PCDHA6: variants seen among roughly 807,000 people sequenced by gnomAD.
PCDHA6 encodes protocadherin alpha 6, also known as protocadherin alpha-6.
A neutral mutation model predicts 60.3 loss-of-function variants in PCDHA6; 55 were observed. The ratio of observed to expected loss-of-function variants is 0.91; its 90% CI spans 0.73 to 1.14. The LOEUF (loss-of-function observed/expected upper bound fraction) is 1.14, where lower values mean the gene tolerates loss of function less well. Among genes scored for constraint, PCDHA6 ranks in the 50% most tolerant of loss-of-function variants. PCDHA6 has a pLI of 0.00. For missense variants in PCDHA6, 1,327 were observed against 1,256.5 expected (o/e 1.06, Z -0.85); for synonymous variants, 652 against 557.9 (o/e 1.17, Z -2.38).
intron 1 of PCDHA6, chr5:140,835,273 C>T: frequency 6.2e-7 from 1 of 1,610,738 alleles, no homozygotes; most frequent in South Asian, 1.1e-5. Flanking sequence ...CACATGGACC[C>T]CTTAAGTGGG....
intron 1 of PCDHA6, chr5:140,868,989 C>T (rs1280457697): frequency 1.3e-6 from 2 of 1,506,850 alleles, no homozygotes; most frequent in Non-Finnish European, 1.8e-6. Context: ...CGGATGCCAC[C>T]GTTTAAGGAT....
intron 1 of PCDHA6, chr5:140,850,325 G>A (rs1554144196): frequency 2.5e-6 from 4 of 1,597,604 alleles, no homozygotes; most frequent in Non-Finnish European, 1.7e-6. Context: ...TTTCATACGA[G>A]CTGCAGCCAG....
Position 141,009,823 on chromosome 5 carries a change from C to T in PCDHA6, c.2739C>T (p.Phe913=), listed in dbSNP as rs2098414711. Residue 913 remains phenylalanine, a synonymous_variant, in exon 4 of 4, where the codon TTC becomes TTT. Transcript: ENST00000529310. The part of the protein sequence containing the change: ...PTNSQIDKSD[F]ITFGKKEETK... ...ACAGCCAAATTGACAAAAGTGACTTCATAACCTTCGGCAAAAAGGAGGAGA... is the reference window on the plus strand; with the variant it reads ...ACAGCCAAATTGACAAAAGTGACTTTATAACCTTCGGCAAAAAGGAGGAGA... 4 of 1,614,030 alleles carry T rather than the reference C, an allele frequency of 2.5e-6. No individual in the cohort carries two copies. The highest frequency in any genetic ancestry group is 3.4e-6 in the Non-Finnish European group (4 of 1,180,010).
chr5:140,928,501 G>A, intron 1 of PCDHA6: 1 of 1,614,184 alleles, frequency 6.2e-7, no homozygotes. Flanking sequence ...TCCCAGAAGT[G>A]CAACAGTGAC....
chr5:140,882,770 T>C (rs781904504), intron 1 of PCDHA6: 4 of 1,614,144 alleles, frequency 2.5e-6, no homozygotes, highest in Non-Finnish European at 3.4e-6. Flanking sequence ...AAACTCGGCA[T>C]TGACCTACCG....
chr5:140,877,006 G>T, intron 1 of PCDHA6: 2 of 1,612,484 alleles, frequency 1.2e-6, no homozygotes, highest in Non-Finnish European at 1.7e-6. Context: ...GTCGGTGCAC[G>T]CGGAGAGCGG....
intron 1 of PCDHA6, chr5:140,843,065 C>T (rs1554139692): frequency 6.3e-7 from 1 of 1,595,232 alleles, no homozygotes; most frequent in Non-Finnish European, 8.6e-7. Flanking sequence ...CAAGCTGGTG[C>T]CGCGGTCTGT....
intron 1 of PCDHA6, among the ~76,000 whole-genome samples, chr5:140,953,733 TG>T (rs1449457533): frequency 2.6e-5 from 4 of 152,200 alleles, no homozygotes; most frequent in Admixed American, 6.5e-5. Context: ...TTGAAATTTT[TG>T]CTTAACATTA....
rs1484311028 is a variant in PCDHA6 at position 140,850,855 on chromosome 5, G to C, written c.2394+20370G>C. 8.1e-6 allele frequency: 13 copies of C among 1,595,270 alleles called. No individual in the cohort carries two copies. In the South Asian group the frequency reaches 1.4e-4, roughly 18 times the overall value. ...TGTGCTGGATCTACAGAGCGAACGG[G>C]AGAACCCTCTGCTTCCTCAGATTCA... On this transcript the variant is annotated intron_variant, in intron 1 of 3. Transcript: ENST00000529310.
At chr5:140,970,009 A>G (rs2096376687) in intron 1 of PCDHA6, among the ~76,000 whole-genome samples, 2 of 152,174 alleles carry the variant, frequency 1.3e-5, no homozygotes, top group African/African-American at 4.8e-5. Flanking sequence ...GGAGTGGATG[A>G]TGGTGAGGCA....
chr5:140,870,805 C>T, intron 1 of PCDHA6: 4 of 1,613,712 alleles, frequency 2.5e-6, no homozygotes, highest in Non-Finnish European at 3.4e-6. Flanking sequence ...GCTGGCGACT[C>T]AGGCTGGCAG....
intron 1 of PCDHA6, chr5:140,834,307 G>C: frequency 7.5e-7 from 1 of 1,341,606 alleles, no homozygotes; most frequent in South Asian, 1.4e-5. Flanking sequence ...CATCGAGATT[G>C]AAATGAAGGG....
intron 1 of PCDHA6, among the ~76,000 whole-genome samples, chr5:140,886,239 T>C (rs2060904240): frequency 6.6e-6 from 1 of 152,062 alleles, no homozygotes; most frequent in African/African-American, 2.4e-5. Flanking sequence ...ACTTCAGAAA[T>C]AAATAAAAGT....
chr5:140,961,856 C>T (rs781908407), intron 1 of PCDHA6, among the ~76,000 whole-genome samples: 1 of 151,570 alleles, frequency 6.6e-6, no homozygotes, highest in Non-Finnish European at 1.5e-5. Flanking sequence ...GATCATTTAT[C>T]TGGCCACAGA....
At chr5:140,842,786 C>A (rs1554139367) in intron 1 of PCDHA6, 1 of 1,594,526 alleles carries the variant, frequency 6.3e-7, no homozygotes, top group Admixed American at 1.7e-5. Flanking sequence ...GGAGAACGCG[C>A]TGGTGTCCTA....
At chr5:140,938,204 C>T (rs2091973590) in intron 1 of PCDHA6, among the ~76,000 whole-genome samples, 1 of 152,136 alleles carries the variant, frequency 6.6e-6, no homozygotes, top group East Asian at 1.9e-4. Flanking sequence ...CGCCAGCCTC[C>T]CAAAGTGCTG....
chr5:140,960,665 G>A (rs1180311598), intron 1 of PCDHA6, among the ~76,000 whole-genome samples: 2 of 152,066 alleles, frequency 1.3e-5, no homozygotes, highest in Non-Finnish European at 2.9e-5. Context: ...TGAATGCTTT[G>A]GCTAAAACCT....
At chr5:141,000,376 T>C (rs2097906883) in intron 3 of PCDHA6, among the ~76,000 whole-genome samples, 1 of 58,410 alleles carries the variant, frequency 1.7e-5, no homozygotes, top group Non-Finnish European at 3.2e-5. Flanking sequence ...TCTCTCTCTC[T>C]CTCTCTCTCT....
intron 3 of PCDHA6, among the ~76,000 whole-genome samples, chr5:141,000,361 G>GTCTCTC (rs148596731): frequency 3.0e-3 from 79 of 26,442 alleles, no homozygotes; most frequent in East Asian, 6.3e-3. Flanking sequence ...GTCTCTCTCT[G>GTCTCTC]TCTCTCTCTC....
Sources: gnomAD v4.1 joint callset for allele counts (sites outside exome capture counted in the v4.1 genomes callset) on GRCh38, gnomAD v4.1.1 for gene constraint, MANE v1.5 for transcripts, NCBI Gene and HGNC (gene_info 2026-07-23, HGNC 2026-07-21) for gene names.